PRKRIP1: variants seen among roughly 807,000 people sequenced by gnomAD.
PRKRIP1 encodes the protein PRKR-interacting protein 1.
Under a neutral mutation model 29.3 loss-of-function variants are expected in PRKRIP1, and 29 were observed. The observed-to-expected ratio is 0.99, with a 90% CI of 0.74 to 1.35. The LOEUF (loss-of-function observed/expected upper bound fraction) is 1.35. PRKRIP1 is among the 40% of genes most tolerant of loss of function. The pLI, the probability that PRKRIP1 is intolerant of heterozygous loss-of-function variation, is 0.00. For missense variants in PRKRIP1, 247 were observed against 236.8 expected, an observed-to-expected ratio of 1.04 and a Z score of -0.28; for synonymous variants, 90 against 85.1, an observed-to-expected ratio of 1.06 and a Z score of -0.32.
intron 3 of PRKRIP1, among the ~76,000 whole-genome samples, chr7:102,400,801 A>T (rs1317705890): frequency 1.3e-5 from 2 of 151,824 alleles, no homozygotes; most frequent in African/African-American, 2.4e-5. Context: ...TGCCTGGCTA[A>T]TTTTTTGTAT....
chr7:102,401,874 G>T (rs1165249631), intron 3 of PRKRIP1, among the ~76,000 whole-genome samples: 3 of 152,182 alleles, frequency 2.0e-5, no homozygotes, highest in African/African-American at 7.2e-5. Flanking sequence ...CTGCACTCCA[G>T]CCTGGGCGAC....
chr7:102,404,571 G>A, intron 3 of PRKRIP1, 27 bp from the exon 4 acceptor site: 1 of 1,598,656 alleles, frequency 6.3e-7, no homozygotes, highest in Non-Finnish European at 8.6e-7. Flanking sequence ...ACCAGAGCGT[G>A]TCTAAATGAT....
chr7:102,425,070 G>C lies in PRKRIP1; in HGVS notation c.514G>C (p.Glu172Gln). 1 of 1,601,600 alleles carries C rather than the reference G, an allele frequency of 6.2e-7. No individual in the cohort carries two copies. Among genetic ancestry groups the C allele is most frequent in the Non-Finnish European group, 8.5e-7 (1 of 1,172,802 alleles). Residue 172 changes from glutamate (E) to glutamine (Q), a missense_variant, in exon 6 of 6, where the codon GAG becomes CAG. This residue lies in a region of PRKRIP1 where 134 missense variants were observed against 126.6 expected (regional missense o/e 1.06). Coordinates refer to ENST00000397912, the MANE Select transcript of PRKRIP1 (RefSeq NM_024653.4). The part of the protein sequence containing the change: ...SSSSAEASGT[E>Q]EEEEVPSFTM... ...CAGCTCTGCGGAGGCATCTGGAACAGAGGAGGAGGAGGAAGTGCCCAGTTT... is the reference window on the plus strand; with the variant it reads ...CAGCTCTGCGGAGGCATCTGGAACACAGGAGGAGGAGGAAGTGCCCAGTTT...
At chr7:102,417,859 A>G (rs1412715834) in intron 5 of PRKRIP1, among the ~76,000 whole-genome samples, 3 of 151,776 alleles carry the variant, frequency 2.0e-5, no homozygotes, top group Non-Finnish European at 4.4e-5. Flanking sequence ...GGGCTCAAGC[A>G]GTCCCCCTGC....
chr7:102,404,929 A>AT (rs551196590), intron 4 of PRKRIP1, among the ~76,000 whole-genome samples: 1,709 of 142,554 alleles, frequency 0.012, 18 homozygotes, highest in South Asian at 0.02. Context: ...TCAGGTCTGT[A>AT]TTTTTTTTTT....
intron 1 of PRKRIP1, 138 bp downstream of exon 1, chr7:102,396,675 GGGA>G: frequency 2.0e-5 from 18 of 879,204 alleles, no homozygotes; most frequent in South Asian, 3.4e-5. Context: ...GCAGTCTTTG[GGGA>G]GGAGGAGGAG....
At chr7:102,399,735 G>A in intron 3 of PRKRIP1, 87 bp downstream of exon 3, 2 of 1,084,092 alleles carry the variant, frequency 1.8e-6, no homozygotes, top group South Asian at 2.6e-5. Flanking sequence ...AAGAGGCTGG[G>A]CGTGGTGGCT....
At chr7:102,399,488 A>T in intron 2 of PRKRIP1, 60 bp from the exon 3 acceptor site, 1 of 1,344,384 alleles carries the variant, frequency 7.4e-7, no homozygotes, top group Non-Finnish European at 1.1e-6. Context: ...ACCCTCGATT[A>T]AGGGTGACCT....
In PRKRIP1 at chr7:102,396,426, C is replaced by G. The variant is rs371818662; in HGVS notation, c.15C>G (p.Ala5=). The G allele has an allele frequency of 2.5e-6, 4 of 1,585,784 alleles. No individual in the cohort carries two copies. Among genetic ancestry groups the G allele is most frequent in the African/African-American group, 2.8e-5 (2 of 72,642 alleles). The change falls in exon 1 of 6, where the codon GCC becomes GCG. Residue 5 remains alanine, a synonymous_variant. Coordinates refer to ENST00000397912, the MANE Select transcript of PRKRIP1 (RefSeq NM_024653.4). MASP[A]ASSVRPPRPK... Reference sequence around the variant, plus strand: ...GGAAGGCTGCCATGGCTAGCCCAGCCGCCTCCTCGGTGCGACCACCGAGGC... The same window carrying G: ...GGAAGGCTGCCATGGCTAGCCCAGCGGCCTCCTCGGTGCGACCACCGAGGC...
chr7:102,406,982 A>G (rs991350983), intron 4 of PRKRIP1, among the ~76,000 whole-genome samples: 3 of 152,046 alleles, frequency 2.0e-5, no homozygotes, highest in Admixed American at 6.6e-5. Context: ...TTGGGAGGCC[A>G]AGGCAGGTGG....
intron 5 of PRKRIP1, chr7:102,423,528 C>T (rs1796755181): frequency 4.6e-6 from 1 of 219,072 alleles, no homozygotes; most frequent in Admixed American, 5.3e-5. Context: ...GTTCCTCCAC[C>T]TCTCTGGGTC....
At chr7:102,411,882 T>A (rs782223711) in intron 5 of PRKRIP1, among the ~76,000 whole-genome samples, 2 of 152,092 alleles carry the variant, frequency 1.3e-5, no homozygotes, top group Non-Finnish European at 2.9e-5. Flanking sequence ...ACTATAGTAT[T>A]GATTTGCATT....
At chr7:102,412,511 C>T (rs530965789) in intron 5 of PRKRIP1, among the ~76,000 whole-genome samples, 4 of 152,318 alleles carry the variant, frequency 2.6e-5, no homozygotes, top group African/African-American at 9.6e-5. Context: ...GCTGTGATTG[C>T]ACCACTGCAC....
chr7:102,425,218 A>T lies in PRKRIP1; in HGVS notation c.*107A>T. On this transcript the variant is annotated 3_prime_UTR_variant, in exon 6 of 6. Coordinates refer to ENST00000397912, the MANE Select transcript of PRKRIP1 (RefSeq NM_024653.4). ...CCGCAAGGACCCGCTGACCCGCTGGATGGAGAGCAAAGGAGACCCCTCCCG... is the reference window on the plus strand; with the variant it reads ...CCGCAAGGACCCGCTGACCCGCTGGTTGGAGAGCAAAGGAGACCCCTCCCG... 6.5e-7 allele frequency: 1 copy of T among 1,527,088 alleles called. No homozygotes were observed. Among genetic ancestry groups the T allele is most frequent in the Non-Finnish European group, 8.8e-7 (1 of 1,141,866 alleles). 94.6% of individuals were successfully genotyped at this position (1,527,088 alleles called of 1,614,324 possible).
intron 5 of PRKRIP1, among the ~76,000 whole-genome samples, chr7:102,416,540 G>T (rs988229153): frequency 2.6e-5 from 4 of 152,154 alleles, no homozygotes; most frequent in Admixed American, 6.6e-5. Context: ...CTATAAAATG[G>T]CCCTCAGTTG....
intron 5 of PRKRIP1, among the ~76,000 whole-genome samples, chr7:102,421,641 TA>T (rs1405048050): frequency 6.6e-6 from 1 of 152,000 alleles, no homozygotes; most frequent in East Asian, 1.9e-4. Context: ...TACTAAAATA[TA>T]AAAAATTAGC....
At chr7:102,415,786 A>G (rs531362426) in intron 5 of PRKRIP1, among the ~76,000 whole-genome samples, 2 of 152,368 alleles carry the variant, frequency 1.3e-5, no homozygotes, top group East Asian at 3.9e-4. Flanking sequence ...GCAGCAGGCC[A>G]GGGTGTGATC....
At chr7:102,417,844 C>A (rs1025960645) in intron 5 of PRKRIP1, among the ~76,000 whole-genome samples, 1 of 151,854 alleles carries the variant, frequency 6.6e-6, no homozygotes, top group Non-Finnish European at 1.5e-5. Context: ...TGGTCTCAAA[C>A]TCCTGGGCTC....
intron 5 of PRKRIP1, among the ~76,000 whole-genome samples, chr7:102,419,187 G>A (rs1796627713): frequency 6.6e-6 from 1 of 152,144 alleles, no homozygotes; most frequent in Non-Finnish European, 1.5e-5. Flanking sequence ...GCTGAGGTGG[G>A]CAGATCACTT....
Sources: allele counts gnomAD v4.1 joint callset (sites outside exome capture counted in the v4.1 genomes callset), GRCh38; gene constraint gnomAD v4.1.1; regional missense constraint gnomAD v4.1.1; transcripts MANE v1.5; gene names NCBI Gene and HGNC (gene_info 2026-07-23, HGNC 2026-07-21).